Variants in CDK13 observed in about 807,000 individuals in gnomAD.
CDK13 encodes the protein cyclin-dependent kinase 13.
CDK13 carries 40 observed loss-of-function variants against 137.6 expected under a neutral mutation model. That is an observed-to-expected ratio of 0.29 (90% confidence interval 0.23 to 0.38). CDK13 has a LOEUF of 0.38. Among genes scored for constraint, CDK13 ranks in the 10% least tolerant of loss-of-function variants. The probability of loss-of-function intolerance (pLI) is 1.00; values close to 1 mark genes in which losing one functional copy is unlikely to be tolerated. For missense variants in CDK13, 1,704 were observed against 1,951.8 expected (o/e 0.87, Z 2.39); for synonymous variants, 869 against 760.1 (o/e 1.14, Z -2.36).
chr7:40,029,678 C>T (rs534532541), intron 5 of CDK13, among the ~76,000 whole-genome samples: 266 of 151,072 alleles, frequency 1.8e-3, no homozygotes, highest in African/African-American at 6.0e-3. Context: ...TTTGAGACAG[C>T]GTCTCGCTCT....
Position 40,078,724 on chromosome 7 carries a change from C to A in CDK13, c.2902C>A (p.Pro968Thr). ...RKLREEFVFI[P>T]AAALDLFDYM... ...TTTGTAATCCTCTCATGCTAGTATT[C>A]CTGCAGCTGCGCTAGACTTATTTGA... Residue 968 changes from proline to threonine, a missense_variant, in exon 11 of 14, where the codon CCT becomes ACT. Pro to Thr is a conservative substitution (Grantham distance 38). This residue lies in a region of CDK13 where 45 missense variants were observed against 57.0 expected (regional missense o/e 0.79). Transcript: ENST00000181839. The A allele has an allele frequency of 4.0e-6, 6 of 1,492,818 alleles. No individual in the cohort carries two copies. The highest frequency in any genetic ancestry group is 1.5e-5 in the South Asian group (1 of 68,108). 92.5% of individuals were successfully genotyped at this position (1,492,818 alleles called of 1,614,324 possible). A position where few individuals can be genotyped will look rare whatever the true frequency, so the allele number is the denominator to read the frequency against.
intron 2 of CDK13, among the ~76,000 whole-genome samples, chr7:39,996,384 C>T (rs1472903232): frequency 1.3e-5 from 2 of 152,106 alleles, no homozygotes; most frequent in African/African-American, 2.4e-5. Flanking sequence ...TATTAGATGA[C>T]AGACTTTGTC....
At chr7:40,001,715 A>G (rs1784689644) in intron 4 of CDK13, 146 bp from the exon 5 acceptor site, 3 of 651,444 alleles carry the variant, frequency 4.6e-6, no homozygotes, top group Admixed American at 2.7e-5. Context: ...TATAAATATT[A>G]TTTGGTATAT....
chr7:39,951,958 C>T (rs1787235440), intron 1 of CDK13, 106 bp downstream of exon 1: 1 of 1,183,918 alleles, frequency 8.4e-7, no homozygotes, highest in Non-Finnish European at 1.1e-6. Context: ...GGTCCACCAC[C>T]GAGACGAGAC....
chr7:40,016,967 A>G (rs1002713139), intron 5 of CDK13, among the ~76,000 whole-genome samples: 1 of 152,116 alleles, frequency 6.6e-6, no homozygotes, highest in African/African-American at 2.4e-5. Flanking sequence ...TAAGAATACC[A>G]TGGCCAGTGA....
chr7:40,012,629 T>C (rs1006792042), intron 5 of CDK13, among the ~76,000 whole-genome samples: 1 of 151,402 alleles, frequency 6.6e-6, no homozygotes, highest in Non-Finnish European at 1.5e-5. Flanking sequence ...ATAAAAAATC[T>C]GAAGGCCGGG....
rs766009971 is a variant in CDK13 at position 40,088,594 on chromosome 7, T to A, written c.3235+263T>A. On this transcript the variant is annotated intron_variant, in intron 12 of 13. Coordinates refer to ENST00000181839, the MANE Select transcript of CDK13 (RefSeq NM_003718.5). ...TTCTGTATTTCCTTTTTACTCTTAG[T>A]GCAGGAGTGAGTAGGTCTTTTACTG... 5.7e-4 allele frequency among the ~76,000 whole-genome samples: 87 copies of A among 152,158 alleles called. 1 individual carries two copies. The highest frequency in any genetic ancestry group is 5.6e-3 in the Admixed American group (86 of 15,284).
intron 5 of CDK13, among the ~76,000 whole-genome samples, chr7:40,044,455 A>AT (rs758178017): frequency 9.0e-4 from 137 of 151,784 alleles, no homozygotes; most frequent in East Asian, 9.7e-4. Context: ...AGTAGCTGGG[A>AT]TTAAGATAAC....
intron 7 of CDK13, chr7:40,048,751 C>G (rs912214085): frequency 4.0e-5 from 6 of 151,388 alleles, no homozygotes; most frequent in Non-Finnish European, 7.4e-5. Context: ...CAAAAACTCT[C>G]GTTTGAATTT....
intron 5 of CDK13, among the ~76,000 whole-genome samples, chr7:40,003,192 ACACAC>A (rs1784725337): frequency 1.0e-5 from 1 of 98,020 alleles, no homozygotes; most frequent in Non-Finnish European, 2.2e-5. Context: ...ACACACACAC[ACACAC>A]ACACACACAC....
At chr7:40,035,475 T>C (rs1165315570) in intron 5 of CDK13, among the ~76,000 whole-genome samples, 6 of 152,136 alleles carry the variant, frequency 3.9e-5, no homozygotes. Flanking sequence ...CTTCCTGCTG[T>C]CAGATCAGTG....
chr7:40,076,864 A>C lies in CDK13; in HGVS notation c.2781-1141A>C, dbSNP rs146399191. 2.0e-5 allele frequency among the ~76,000 whole-genome samples: 3 copies of C among 152,204 alleles called. No individual in the cohort carries two copies. The South Asian group carries it at 6.2e-4, about 31-fold the overall frequency. ...TATTTTTACTTTTAATCAGTGATAC[A>C]TCAACGTTTTCTTTTTACATATGCA... is the stretch of plus-strand genomic sequence containing the variant. On this transcript the variant is annotated intron_variant, in intron 9 of 13. Coordinates refer to ENST00000181839, the MANE Select transcript of CDK13 (RefSeq NM_003718.5).
rs1787155488 is a variant in CDK13 at position 39,951,039 on chromosome 7, G to C, written c.398G>C (p.Gly133Ala). The change falls in exon 1 of 14, where the codon GGT (glycine) becomes GCT (alanine). Residue 133 changes from glycine (G) to alanine (A), a missense_variant. By Grantham distance (60) the Gly-to-Ala change is moderately conservative. Around this residue, in one of 5 missense-constraint regions of CDK13, gnomAD observed 1,051 missense variants for 931.0 expected, o/e 1.13. Transcript: ENST00000181839. ...LPQPQQDGGGGASSGGGVTPL... is the reference protein window; with the variant it reads ...LPQPQQDGGGAASSGGGVTPL... Reference sequence around the variant, plus strand: ...CAGCCGCAGCAGGACGGCGGTGGCGGTGCTAGTAGCGGCGGGGGTGTGACC... The same window carrying C: ...CAGCCGCAGCAGGACGGCGGTGGCGCTGCTAGTAGCGGCGGGGGTGTGACC... 1.6e-6 allele frequency: 2 copies of C among 1,289,386 alleles called. No homozygotes were observed. Among genetic ancestry groups the C allele is most frequent in the South Asian group, 5.1e-5 (2 of 39,096 alleles). 79.9% of individuals were successfully genotyped at this position (1,289,386 alleles called of 1,614,324 possible).
chr7:39,950,490 G>C lies in CDK13; in HGVS notation c.-152G>C. 2 of 1,262,682 alleles carry C rather than the reference G, an allele frequency of 1.6e-6. No homozygotes were observed. The highest frequency in any genetic ancestry group is 2.0e-6 in the Non-Finnish European group (2 of 1,005,052). The allele number at this position is 1,262,682 out of a possible 1,614,324, so 78.2% of individuals were successfully genotyped here. Reference sequence around the variant, plus strand: ...TGTGACCTGGAACCCAGGGACCCGAGTCCCGACCCGGATTATCGTGGCGCT... The same window carrying C: ...TGTGACCTGGAACCCAGGGACCCGACTCCCGACCCGGATTATCGTGGCGCT... On this transcript the variant is annotated 5_prime_UTR_variant, in exon 1 of 14. Transcript: ENST00000181839.
intron 5 of CDK13, among the ~76,000 whole-genome samples, chr7:40,045,069 G>A (rs1044886579): frequency 1.7e-4 from 26 of 152,192 alleles, no homozygotes; most frequent in Middle Eastern, 3.4e-3. Flanking sequence ...TCTTTGCTCT[G>A]TTTTAAAAAT....
intron 11 of CDK13, among the ~76,000 whole-genome samples, chr7:40,082,166 C>G (rs1020098047): frequency 1.3e-5 from 2 of 152,030 alleles, no homozygotes; most frequent in Non-Finnish European, 2.9e-5. Context: ...GGAACTCCTT[C>G]GACATTATGT....
At chr7:40,005,645 CAG>C (rs1784783885) in intron 5 of CDK13, among the ~76,000 whole-genome samples, 1 of 152,074 alleles carries the variant, frequency 6.6e-6, no homozygotes, top group South Asian at 2.1e-4. Context: ...TCTTAAGAAA[CAG>C]AGGGTTAAGT....
Position 40,093,178 on chromosome 7 carries a change from C to G in CDK13, c.3629C>G (p.Ser1210Trp), listed in dbSNP as rs781777435. 2.5e-6 allele frequency: 4 copies of G among 1,614,054 alleles called. No homozygotes were observed. The South Asian group carries it at 3.3e-5, about 13-fold the overall frequency. The change falls in exon 13 of 14, where the codon TCG becomes TGG. Residue 1210 changes from serine to tryptophan, a missense_variant. This residue lies in a region of CDK13 where 475 missense variants were observed against 579.3 expected (regional missense o/e 0.82). Transcript: ENST00000181839. ...CTACTAGAAGAGAGGGAAAATGGAT[C>G]GGGACATGAAGCGTCATTACAACTC... ...DVLLEERENG[S>W]GHEASLQLRP...
intron 11 of CDK13, chr7:40,085,804 C>G (rs181038126): frequency 3.9e-5 from 6 of 152,628 alleles, no homozygotes; most frequent in Admixed American, 3.9e-4. Flanking sequence ...AATCATAATC[C>G]TTGTGTCACT....
Sources: allele counts gnomAD v4.1 joint callset (sites outside exome capture counted in the v4.1 genomes callset), GRCh38; gene constraint gnomAD v4.1.1; regional missense constraint gnomAD v4.1.1; transcripts MANE v1.5; gene names NCBI Gene and HGNC (gene_info 2026-07-23, HGNC 2026-07-21).